The following TRPM3 variants were observed in gnomAD, a reference collection of about 807,000 sequenced individuals.
The protein encoded by TRPM3 is transient receptor potential cation channel subfamily M member 3.
A neutral mutation model predicts 181.2 loss-of-function variants in TRPM3; 77 were observed. That is an observed-to-expected ratio of 0.42 (90% confidence interval 0.35 to 0.51). The LOEUF (loss-of-function observed/expected upper bound fraction) is 0.51. Ranked by LOEUF, TRPM3 falls within the 20% of genes least tolerant of loss-of-function variation. TRPM3 has a pLI of 0.01. For synonymous variants in TRPM3, 745 were observed against 796.4 expected, an observed-to-expected ratio of 0.94 and a Z score of 1.09; for missense variants, 1,759 against 2,196.7, an observed-to-expected ratio of 0.80 and a Z score of 3.98.
At chr9:71,247,340 T>A (rs1260971591) in intron 1 of TRPM3, among the ~76,000 whole-genome samples, 3 of 108,992 alleles carry the variant, frequency 2.8e-5, no homozygotes, top group Non-Finnish European at 5.1e-5. Context: ...GGTGATAGAG[T>A]GAGACTCTGT....
At chr9:70,893,066 T>A (rs1270517824) in intron 1 of TRPM3, among the ~76,000 whole-genome samples, 1 of 152,158 alleles carries the variant, frequency 6.6e-6, no homozygotes, top group African/African-American at 2.4e-5. Context: ...AAAGAGGCAA[T>A]GTTGATGATA....
rs2054221018 is a variant in TRPM3 at position 70,577,049 on chromosome 9, G to C, written c.3223+13982C>G. The stretch of plus-strand genomic sequence containing the variant: ...ATTGTGTGCCCAAGTCCTTGCCGCA[G>C]TGACTCTTGATCCTGCTAGTTGGAC... On this transcript the variant is annotated intron_variant, in intron 22 of 25. Coordinates refer to ENST00000677713, the MANE Select transcript of TRPM3 (RefSeq NM_001366145.2). 2.0e-5 allele frequency among the ~76,000 whole-genome samples: 3 copies of C among 152,256 alleles called. No homozygotes were observed. In the South Asian group the frequency reaches 6.2e-4, roughly 32 times the overall value.
At chr9:71,034,518 C>T (rs1367089359) in intron 1 of TRPM3, among the ~76,000 whole-genome samples, 1 of 151,844 alleles carries the variant, frequency 6.6e-6, no homozygotes, top group African/African-American at 2.4e-5. Flanking sequence ...TAGAGGCATC[C>T]CATACCTCTA....
chr9:70,653,693 A>C (rs71505905), intron 9 of TRPM3, among the ~76,000 whole-genome samples: 13,120 of 150,680 alleles, frequency 0.087, 727 homozygotes, highest in South Asian at 0.14. Context: ...AAAAAAAAAA[A>C]AAAAAAACAA....
chr9:71,123,420 T>C (rs953831859), upstream of TRPM3, among the ~76,000 whole-genome samples: 5 of 152,166 alleles, frequency 3.3e-5, no homozygotes, highest in Admixed American at 6.5e-5. Context: ...ACAATGGAGA[T>C]TAAAATAAAC....
chr9:71,330,879 C>T (rs1265928827), intron 1 of TRPM3, among the ~76,000 whole-genome samples: 1 of 151,736 alleles, frequency 6.6e-6, no homozygotes, highest in African/African-American at 2.4e-5. Context: ...TCCATAGCCT[C>T]AGGAGGGGCA....
intron 1 of TRPM3, among the ~76,000 whole-genome samples, chr9:70,992,296 G>A (rs575537296): frequency 6.6e-6 from 1 of 152,240 alleles, no homozygotes; most frequent in East Asian, 1.9e-4. Context: ...TCTCTACTGT[G>A]TAGGATGTGG....
In TRPM3 at chr9:70,572,114, T is replaced by TTGTGTGTG. The variant is rs58492210; in HGVS notation, c.3224-18812_3224-18805dup. 9.1e-3 allele frequency among the ~76,000 whole-genome samples: 1,371 copies of TTGTGTGTG among 149,952 alleles called. 14 individuals carry two copies. Among genetic ancestry groups the TTGTGTGTG allele is most frequent in the East Asian group, 0.025 (125 of 5,100 alleles). On this transcript the variant is annotated intron_variant, in intron 22 of 25. Coordinates refer to ENST00000677713, the MANE Select transcript of TRPM3 (RefSeq NM_001366145.2). ...AGATACAATATTTCTTCCCAGTTAC[T>TTGTGTGTG]TGTGTGTGTGTGTGTGTGTGTGTGT...
At chr9:71,211,581 C>T (rs910769878) in intron 1 of TRPM3, among the ~76,000 whole-genome samples, 7 of 152,114 alleles carry the variant, frequency 4.6e-5, no homozygotes, top group Admixed American at 6.5e-5. Context: ...GGGCTGATTC[C>T]TTCTGAAGGC....
At chr9:71,108,714 C>T (rs567278951) in intron 1 of TRPM3, among the ~76,000 whole-genome samples, 1 of 152,174 alleles carries the variant, frequency 6.6e-6, no homozygotes, top group South Asian at 2.1e-4. Context: ...ACTCCAGGGC[C>T]CCGTAACAGA....
intron 1 of TRPM3, among the ~76,000 whole-genome samples, chr9:71,033,791 C>T (rs138080090): frequency 2.6e-5 from 4 of 152,180 alleles, no homozygotes; most frequent in Non-Finnish European, 4.4e-5. Context: ...TAATAATTTG[C>T]GTGCATTCAT....
chr9:71,156,966 G>A (rs951857134), intron 1 of TRPM3, among the ~76,000 whole-genome samples: 1 of 152,052 alleles, frequency 6.6e-6, no homozygotes, highest in African/African-American at 2.4e-5. Context: ...ACTTCCACAG[G>A]AATTGTGTCT....
chr9:71,437,191 T>C (rs572530152), intron 1 of TRPM3, among the ~76,000 whole-genome samples: 30 of 152,216 alleles, frequency 2.0e-4, no homozygotes, highest in Middle Eastern at 3.4e-3. Context: ...AATGAGAAAA[T>C]AGTTGATGAA....
At chr9:71,040,120 C>T (rs1214685987) in intron 1 of TRPM3, among the ~76,000 whole-genome samples, 2 of 152,132 alleles carry the variant, frequency 1.3e-5, no homozygotes, top group African/African-American at 4.8e-5. Flanking sequence ...TCAAACAAGG[C>T]TTTACTGGTT....
intron 1 of TRPM3, among the ~76,000 whole-genome samples, chr9:71,050,358 A>C (rs1452850654): frequency 1.3e-5 from 2 of 152,150 alleles, no homozygotes; most frequent in Non-Finnish European, 2.9e-5. Context: ...AAATATTAAA[A>C]AGTACAATTT....
At chr9:70,969,356 T>A (rs2097215768) in intron 1 of TRPM3, among the ~76,000 whole-genome samples, 1 of 151,964 alleles carries the variant, frequency 6.6e-6, no homozygotes, top group South Asian at 2.1e-4. Context: ...CAAACCACCA[T>A]GTCACGTGTA....
At chr9:70,793,878 T>C (rs1292886608) in intron 6 of TRPM3, among the ~76,000 whole-genome samples, 1 of 152,154 alleles carries the variant, frequency 6.6e-6, no homozygotes. Context: ...TGTTATATAA[T>C]AGACTTTGTG....
intron 6 of TRPM3, among the ~76,000 whole-genome samples, chr9:70,799,563 G>A (rs1295844605): frequency 6.6e-6 from 1 of 152,166 alleles, no homozygotes; most frequent in Admixed American, 6.5e-5. Flanking sequence ...TGTGCAGGGA[G>A]CTCCATTAGA....
chr9:71,081,764 G>GAAATCATT (rs1251082585), intron 1 of TRPM3, among the ~76,000 whole-genome samples: 1 of 152,082 alleles, frequency 6.6e-6, no homozygotes, highest in Non-Finnish European at 1.5e-5. Context: ...TCCTATTTCT[G>GAAATCATT]AAATCATTAC....
Sources: gnomAD v4.1 joint callset for allele counts (sites outside exome capture counted in the v4.1 genomes callset) on GRCh38, gnomAD v4.1.1 for gene constraint, MANE v1.5 for transcripts, NCBI Gene and HGNC (gene_info 2026-07-23, HGNC 2026-07-21) for gene names.